CEP85: variants seen among roughly 807,000 people sequenced by gnomAD.
The protein encoded by CEP85 is centrosomal protein of 85 kDa.
Under a neutral mutation model 93.7 loss-of-function variants are expected in CEP85, and 58 were observed. That is an observed-to-expected ratio of 0.62 (90% CI 0.50 to 0.77). The LOEUF (loss-of-function observed/expected upper bound fraction) is 0.77. Ranked by LOEUF, CEP85 falls within the 30% of genes least tolerant of loss-of-function variation. The probability of loss-of-function intolerance (pLI) is 0.00; values close to 1 mark genes in which losing one functional copy is unlikely to be tolerated. For synonymous variants in CEP85, 314 were observed against 338.6 expected (o/e 0.93, Z 0.80); for missense variants, 868 against 922.0 (o/e 0.94, Z 0.76).
rs2089728606 is a variant in CEP85, at chr1:26,257,644, A to C, written c.951A>C (p.Ser317=). ...ICHHPAAFGP[S]LPILEPAQWI... The stretch of plus-strand genomic sequence containing the variant: ...ACCATCCTGCTGCTTTTGGTCCTTC[A>C]CTGCCCATCTTAGAGCCAGCACAGT... The change falls in exon 5 of 14, where the codon TCA becomes TCC. Residue 317 remains serine (S), a synonymous_variant. Coordinates refer to ENST00000451429, the MANE Select transcript of CEP85 (RefSeq NM_001319944.2). The C allele has an allele frequency of 6.2e-7, 1 of 1,614,058 alleles. No homozygotes were observed. Among genetic ancestry groups the C allele is most frequent in the Admixed American group, 1.7e-5 (1 of 59,994 alleles).
At chr1:26,270,028 G>A (rs546627853) in intron 9 of CEP85, among the ~76,000 whole-genome samples, 25 of 151,964 alleles carry the variant, frequency 1.6e-4, no homozygotes, top group African/African-American at 5.8e-4. Context: ...CACCCTCCTT[G>A]GCCTCCCAAA....
intron 6 of CEP85, among the ~76,000 whole-genome samples, chr1:26,258,891 G>C (rs915618216): frequency 6.6e-6 from 1 of 152,050 alleles, no homozygotes; most frequent in Non-Finnish European, 1.5e-5. Context: ...CACTGCACCC[G>C]GGCATTCTCA....
chr1:26,268,806 G>A (rs759106248), intron 8 of CEP85, among the ~76,000 whole-genome samples, 171 bp downstream of exon 8: 1 of 152,142 alleles, frequency 6.6e-6, no homozygotes, highest in African/African-American at 2.4e-5. Context: ...CAAATTTTTT[G>A]AGGTACCCAG....
Position 26,277,389 on chromosome 1 carries a change from A to G in CEP85, c.*96A>G, listed in dbSNP as rs914844675. On this transcript the variant is annotated 3_prime_UTR_variant, in exon 14 of 14. Coordinates refer to ENST00000451429, the MANE Select transcript of CEP85 (RefSeq NM_001319944.2). ...ACATTCTCTTGTCTGCTATTCCCAG[A>G]GAGGTCTCAGAGGGGAGGGGAGAGC... 24 of 1,237,004 alleles carry G rather than the reference A, an allele frequency of 1.9e-5. No individual in the cohort carries two copies. The highest frequency in any genetic ancestry group is 2.2e-5 in the Admixed American group (1 of 45,020). 76.6% of individuals were successfully genotyped at this position (1,237,004 alleles called of 1,614,324 possible). A position where few individuals can be genotyped will look rare whatever the true frequency, so the allele number is the denominator to read the frequency against.
intron 6 of CEP85, among the ~76,000 whole-genome samples, chr1:26,258,785 C>T (rs751838564): frequency 2.0e-5 from 3 of 151,984 alleles, no homozygotes; most frequent in East Asian, 1.9e-4. Context: ...TTAGTAGAGA[C>T]GGGGTTTCAT....
chr1:26,255,331 G>T lies in CEP85; in HGVS notation c.369G>T (p.Leu123Phe). 3 of 1,614,130 alleles carry T rather than the reference G, an allele frequency of 1.9e-6. No homozygotes were observed. The highest frequency in any genetic ancestry group is 2.5e-6 in the Non-Finnish European group (3 of 1,180,024). Reference sequence around the variant, plus strand: ...CCTCTAAACTCCCTTTGTCAGGGTTGGCTGAAAGTGTGGGAATGACAAGAA... The same window carrying T: ...CCTCTAAACTCCCTTTGTCAGGGTTTGCTGAAAGTGTGGGAATGACAAGAA... ...PSSSKLPLSG[L>F]AESVGMTRNG... The change falls in exon 4 of 14, where the codon TTG (leucine) becomes TTT (phenylalanine). Residue 123 changes from leucine to phenylalanine, a missense_variant. Transcript: ENST00000451429.
chr1:26,250,052 A>G (rs1278874323), intron 3 of CEP85, among the ~76,000 whole-genome samples: 2 of 152,190 alleles, frequency 1.3e-5, no homozygotes, highest in African/African-American at 4.8e-5. Context: ...GTTCCCATAC[A>G]CTAAATTTTG....
chr1:26,246,422 C>G (rs1424108378), intron 3 of CEP85, among the ~76,000 whole-genome samples: 2 of 152,116 alleles, frequency 1.3e-5, no homozygotes, highest in Admixed American at 6.6e-5. Flanking sequence ...AAATGAAATA[C>G]TGGTACATGC....
chr1:26,277,003 C>T (rs2090063158), intron 13 of CEP85, 133 bp from the exon 14 acceptor site: 1 of 1,007,496 alleles, frequency 9.9e-7, no homozygotes, highest in Admixed American at 2.2e-5. Context: ...AATTAACCCA[C>T]TGTCCCCAGA....
chr1:26,250,941 T>TTTTTTTTTTTTTTTTTTTTTC (rs2089602025), intron 3 of CEP85, among the ~76,000 whole-genome samples: 1 of 111,094 alleles, frequency 9.0e-6, no homozygotes, highest in Non-Finnish European at 1.8e-5. Flanking sequence ...TCTTTTTTTT[T>TTTTTTTTTTTTTTTTTTTTTC]TTTTTTTTTT....
intron 1 of CEP85, among the ~76,000 whole-genome samples, chr1:26,235,202 A>T (rs575730501): frequency 1.3e-5 from 2 of 152,344 alleles, no homozygotes; most frequent in East Asian, 3.9e-4. Context: ...CCAGGCGCAT[A>T]GTAGGCACGC....
chr1:26,268,215 T>G (rs2089920263), intron 7 of CEP85, among the ~76,000 whole-genome samples: 6 of 152,210 alleles, frequency 3.9e-5, no homozygotes, highest in Admixed American at 3.3e-4. Flanking sequence ...CCCAGCAGTT[T>G]GGGAGGCCAA....
intron 7 of CEP85, among the ~76,000 whole-genome samples, chr1:26,268,103 G>A (rs1300418873): frequency 6.6e-6 from 1 of 152,190 alleles, no homozygotes; most frequent in Non-Finnish European, 1.5e-5. Flanking sequence ...GGCAAAATTT[G>A]TTTAGCTTCC....
At chr1:26,263,200 T>C in intron 7 of CEP85, 2 of 284,490 alleles carry the variant, frequency 7.0e-6, no homozygotes, top group South Asian at 4.1e-5. Context: ...GGTTGGTGCA[T>C]AAAAATTCAC....
intron 3 of CEP85, among the ~76,000 whole-genome samples, chr1:26,248,887 C>T (rs1324593503): frequency 1.3e-5 from 2 of 151,708 alleles, no homozygotes; most frequent in East Asian, 1.9e-4. Context: ...CCACTACGCC[C>T]GGCTAATTTT....
chr1:26,260,827 G>C (rs2089796060), intron 7 of CEP85, among the ~76,000 whole-genome samples: 1 of 149,818 alleles, frequency 6.7e-6, no homozygotes, highest in Non-Finnish European at 1.5e-5. Flanking sequence ...ATTTCGCTCT[G>C]GCATCTGGGC....
At chr1:26,236,411 C>G (rs2089327439) in intron 1 of CEP85, among the ~76,000 whole-genome samples, 1 of 149,174 alleles carries the variant, frequency 6.7e-6, no homozygotes, top group Admixed American at 6.6e-5. Context: ...TTTTTTTCCC[C>G]TCTGTCTGCC....
chr1:26,245,716 TAAG>T (rs2089499505), intron 3 of CEP85, among the ~76,000 whole-genome samples: 2 of 152,328 alleles, frequency 1.3e-5, no homozygotes, highest in South Asian at 2.1e-4. Flanking sequence ...CTAAAGCCCT[TAAG>T]AAGCCTATAA....
At chr1:26,248,449 T>G (rs2089544834) in intron 3 of CEP85, among the ~76,000 whole-genome samples, 1 of 152,176 alleles carries the variant, frequency 6.6e-6, no homozygotes, top group Non-Finnish European at 1.5e-5. Flanking sequence ...AAAGTTGTAA[T>G]AGTCTTCTCG....
Sources: allele counts gnomAD v4.1 joint callset (sites outside exome capture counted in the v4.1 genomes callset), GRCh38; gene constraint gnomAD v4.1.1; transcripts MANE v1.5; gene names NCBI Gene and HGNC (gene_info 2026-07-23, HGNC 2026-07-21).